ZNF804A: variants seen among roughly 807,000 people sequenced by gnomAD.
The protein encoded by ZNF804A is zinc finger protein 804A.
A neutral mutation model predicts 16.5 loss-of-function variants in ZNF804A; 2 were observed. The ratio of observed to expected loss-of-function variants is 0.12; its 90% CI spans 0.05 to 0.38. The LOEUF (loss-of-function observed/expected upper bound fraction) is 0.38, where lower values mean the gene tolerates loss of function less well. Among genes scored for constraint, ZNF804A ranks in the 10% least tolerant of loss-of-function variants. The pLI, the probability that ZNF804A is intolerant of heterozygous loss-of-function variation, is 0.99. For missense variants in ZNF804A, 1,473 were observed against 1,390.7 expected, an observed-to-expected ratio of 1.06 and a Z score of -0.94; for synonymous variants, 534 against 489.6, an observed-to-expected ratio of 1.09 and a Z score of -1.20.
intron 1 of ZNF804A, among the ~76,000 whole-genome samples, chr2:184,661,518 G>A (rs1692176138): frequency 6.6e-6 from 1 of 152,200 alleles, no homozygotes. Flanking sequence ...TAAAAGTGGG[G>A]TAGCCATCCA....
chr2:184,861,227 C>G (rs1015808602), intron 1 of ZNF804A, among the ~76,000 whole-genome samples: 2 of 152,194 alleles, frequency 1.3e-5, no homozygotes, highest in Admixed American at 1.3e-4. Context: ...GAAAATATAT[C>G]TCTCCATGCT....
chr2:184,846,886 T>C (rs747616522), intron 1 of ZNF804A, among the ~76,000 whole-genome samples: 10 of 152,112 alleles, frequency 6.6e-5, no homozygotes, highest in African/African-American at 1.2e-4. Context: ...TATAGCTAAG[T>C]AGAATGGCCA....
At chr2:184,791,192 G>A (rs79555245) in intron 1 of ZNF804A, among the ~76,000 whole-genome samples, 5,320 of 152,230 alleles carry the variant, frequency 0.035, 305 homozygotes, top group African/African-American at 0.12. Flanking sequence ...AAATTGATAT[G>A]TGAGATTTTG....
intron 1 of ZNF804A, among the ~76,000 whole-genome samples, chr2:184,776,340 T>G (rs1558958472): frequency 6.6e-6 from 1 of 151,546 alleles, no homozygotes; most frequent in Non-Finnish European, 1.5e-5. Context: ...GACATTATAA[T>G]GGCTTAGATG....
chr2:184,626,296 T>C (rs909174022), intron 1 of ZNF804A, among the ~76,000 whole-genome samples: 10 of 152,260 alleles, frequency 6.6e-5, no homozygotes, highest in African/African-American at 2.2e-4. Context: ...TTCAGCATTG[T>C]GGATGGAGTA....
intron 1 of ZNF804A, among the ~76,000 whole-genome samples, chr2:184,847,517 C>T (rs923951491): frequency 2.0e-5 from 3 of 152,168 alleles, no homozygotes; most frequent in Admixed American, 6.6e-5. Flanking sequence ...CAGAAACAGT[C>T]GCCCTCTTGC....
intron 3 of ZNF804A, 116 bp downstream of exon 3, chr2:184,933,849 CAT>C: frequency 1.0e-6 from 1 of 1,000,284 alleles, no homozygotes; most frequent in Admixed American, 3.6e-5. Flanking sequence ...ATAAGGCACA[CAT>C]GTTTTCATGG....
intron 1 of ZNF804A, among the ~76,000 whole-genome samples, chr2:184,828,684 A>C (rs1695211147): frequency 6.6e-6 from 1 of 151,774 alleles, no homozygotes. Flanking sequence ...TGACTTCATG[A>C]TGTGTAAAAT....
intron 1 of ZNF804A, among the ~76,000 whole-genome samples, chr2:184,823,980 C>A (rs1331803603): frequency 6.6e-6 from 1 of 152,050 alleles, no homozygotes; most frequent in Admixed American, 6.6e-5. Flanking sequence ...ATTAAGATAT[C>A]TTTACTTTTA....
intron 1 of ZNF804A, among the ~76,000 whole-genome samples, chr2:184,727,661 A>G (rs897593977): frequency 6.6e-6 from 1 of 151,710 alleles, no homozygotes; most frequent in Non-Finnish European, 1.5e-5. Flanking sequence ...AAATAATTTT[A>G]TATACCAGGA....
At chr2:184,910,904 A>G (rs569717905) in intron 2 of ZNF804A, among the ~76,000 whole-genome samples, 1 of 151,856 alleles carries the variant, frequency 6.6e-6, no homozygotes, top group Non-Finnish European at 1.5e-5. Context: ...ATTTGTAAAT[A>G]TTTTCTCCCA....
intron 2 of ZNF804A, among the ~76,000 whole-genome samples, chr2:184,924,783 A>G (rs544349087): frequency 1.9e-4 from 29 of 151,858 alleles, no homozygotes; most frequent in Admixed American, 5.9e-4. Context: ...TTCCTTCTTT[A>G]TCTCTTTATT....
intron 1 of ZNF804A, among the ~76,000 whole-genome samples, chr2:184,645,136 A>G (rs1691851714): frequency 6.6e-6 from 1 of 152,086 alleles, no homozygotes; most frequent in South Asian, 2.1e-4. Flanking sequence ...TATCTCTTAC[A>G]TATTTATTTT....
At chr2:184,619,675 C>CT in intron 1 of ZNF804A, among the ~76,000 whole-genome samples, 1 of 151,948 alleles carries the variant, frequency 6.6e-6, no homozygotes, top group Middle Eastern at 3.4e-3. Context: ...ATGAAAAACT[C>CT]TAAGTATCTA....
At chr2:184,652,904 C>T (rs183372203) in intron 1 of ZNF804A, among the ~76,000 whole-genome samples, 1 of 152,268 alleles carries the variant, frequency 6.6e-6, no homozygotes, top group East Asian at 1.9e-4. Flanking sequence ...TCATTATTCT[C>T]TCCCCTGCCA....
intron 1 of ZNF804A, among the ~76,000 whole-genome samples, chr2:184,836,691 A>T (rs1695351431): frequency 1.3e-5 from 2 of 148,570 alleles, no homozygotes; most frequent in Non-Finnish European, 3.0e-5. Flanking sequence ...GTGTATATAT[A>T]TATATATTTT....
chr2:184,934,190 A>T (rs1478970620), intron 3 of ZNF804A, among the ~76,000 whole-genome samples: 1 of 152,106 alleles, frequency 6.6e-6, no homozygotes, highest in African/African-American at 2.4e-5. Context: ...TTGCTTGAGA[A>T]GCAGACCAAC....
chr2:184,694,858 A>G (rs1392165672), intron 1 of ZNF804A, among the ~76,000 whole-genome samples: 1 of 152,216 alleles, frequency 6.6e-6, no homozygotes, highest in African/African-American at 2.4e-5. Flanking sequence ...AGCTAGGCAA[A>G]GGTGTCTTGT....
intron 1 of ZNF804A, among the ~76,000 whole-genome samples, chr2:184,606,327 G>A (rs1691144681): frequency 6.6e-6 from 1 of 152,284 alleles, no homozygotes; most frequent in African/African-American, 2.4e-5. Flanking sequence ...TTCCCATGGT[G>A]GCAGGAGAGA....
Sources: allele counts gnomAD v4.1 joint callset (sites outside exome capture counted in the v4.1 genomes callset), GRCh38; gene constraint gnomAD v4.1.1; transcripts MANE v1.5; gene names NCBI Gene and HGNC (gene_info 2026-07-23, HGNC 2026-07-21).